ADAMTS18: variants seen among roughly 807,000 people sequenced by gnomAD.
The protein encoded by ADAMTS18 is ADAM metallopeptidase with thrombospondin type 1 motif 18.
ADAMTS18 carries 157 observed loss-of-function variants against 165.9 expected under a neutral mutation model. That is an observed-to-expected ratio of 0.95 (90% CI 0.83 to 1.08). The LOEUF is 1.08. ADAMTS18 is among the 50% of genes least tolerant of loss of function. The pLI, the probability that ADAMTS18 is intolerant of heterozygous loss-of-function variation, is 0.00. For missense variants in ADAMTS18, 2,040 were observed against 1,534.0 expected (o/e 1.33, Z -5.51); for synonymous variants, 782 against 578.2 (o/e 1.35, Z -5.06).
At chr16:77,376,809 C>CTT (rs549942617) in intron 3 of ADAMTS18, among the ~76,000 whole-genome samples, 1,597 of 103,368 alleles carry the variant, frequency 0.015, 51 homozygotes, top group Non-Finnish European at 0.02. Flanking sequence ...CTAAATCATT[C>CTT]TTTTTTTTTT....
At chr16:77,336,627 T>C (rs2056315002) in intron 11 of ADAMTS18, among the ~76,000 whole-genome samples, 2 of 152,200 alleles carry the variant, frequency 1.3e-5, no homozygotes, top group Non-Finnish European at 2.9e-5. Context: ...GGGTCTTTCA[T>C]TTGCCCATGA....
In ADAMTS18 at chr16:77,293,223, A is replaced by G. The variant is rs1474205049; in HGVS notation, c.3042T>C (p.Arg1014=). 3 of 1,613,776 alleles carry G rather than the reference A, an allele frequency of 1.9e-6. No homozygotes were observed. Among genetic ancestry groups the G allele is most frequent in the African/African-American group, 1.3e-5 (1 of 74,816 alleles). Residue 1014 remains arginine (R), a synonymous_variant, in exon 20 of 23, where the codon CGT becomes CGC. Coordinates refer to ENST00000282849, the MANE Select transcript of ADAMTS18 (RefSeq NM_199355.4). ...SKTCGRGVRK[R]ELLCKGSAAE... is the part of the protein sequence containing the mutation. ...CGGCAGAGCCCTTGCAGAGGAGTTC[A>G]CGCTTCCTCACCCCTCGTCCACAGG...
intron 3 of ADAMTS18, among the ~76,000 whole-genome samples, chr16:77,422,476 A>C (rs2144851022): frequency 6.6e-6 from 1 of 150,616 alleles, no homozygotes; most frequent in South Asian, 2.2e-4. Context: ...AAGCTAGCCA[A>C]TCCTAGTACA....
At chr16:77,407,502 A>G (rs1264801961) in intron 3 of ADAMTS18, among the ~76,000 whole-genome samples, 1 of 152,160 alleles carries the variant, frequency 6.6e-6, no homozygotes, top group Non-Finnish European at 1.5e-5. Flanking sequence ...CGACAATCCA[A>G]AAGTACAAAG....
At chr16:77,410,642 C>A (rs918401527) in intron 3 of ADAMTS18, among the ~76,000 whole-genome samples, 13 of 152,186 alleles carry the variant, frequency 8.5e-5, no homozygotes, top group Non-Finnish European at 1.9e-4. Context: ...TCTCGACCCC[C>A]CTACCATCTT....
chr16:77,367,881 G>C (rs1482139371), intron 3 of ADAMTS18, among the ~76,000 whole-genome samples, 158 bp from the exon 4 acceptor site: 2 of 152,116 alleles, frequency 1.3e-5, no homozygotes, highest in Non-Finnish European at 2.9e-5. Context: ...ATTACAACGA[G>C]TTGCTATTAT....
intron 20 of ADAMTS18, among the ~76,000 whole-genome samples, chr16:77,292,552 C>T (rs2144568879): frequency 6.6e-6 from 1 of 152,324 alleles, no homozygotes; most frequent in South Asian, 2.1e-4. Context: ...CAAAGACCGG[C>T]TTGGGTGAAG....
chr16:77,410,397 G>A (rs1022482083), intron 3 of ADAMTS18, among the ~76,000 whole-genome samples: 3 of 151,958 alleles, frequency 2.0e-5, no homozygotes, highest in Non-Finnish European at 4.4e-5. Flanking sequence ...TGGTGAGCAT[G>A]AGGATCCTCT....
At chr16:77,378,340 CAAAAAAAAACA>C in intron 3 of ADAMTS18, among the ~76,000 whole-genome samples, 1 of 68,508 alleles carries the variant, frequency 1.5e-5, no homozygotes, top group South Asian at 5.1e-4. Flanking sequence ...AAAACAAAAA[CAAAAAAAAACA>C]AAAAAAAAAA....
rs1011337681 is a variant in ADAMTS18 at position 77,293,271 on chromosome 16, A to G, written c.3007-13T>C. On this transcript the variant is annotated splice_polypyrimidine_tract_variant and intron_variant, in intron 19 of 22. Transcript: ENST00000282849. The stretch of plus-strand genomic sequence containing the variant: ...AGGTCTTGGAACACTTGAGAAGACA[A>G]AAAAGTTCTATTTGCATTCCCATTA... 1.6e-5 allele frequency: 26 copies of G among 1,612,644 alleles called. No individual in the cohort carries two copies. The highest frequency in any genetic ancestry group is 6.7e-5 in the African/African-American group (5 of 74,798).
At chr16:77,421,964 A>C (rs2057608446) in intron 3 of ADAMTS18, among the ~76,000 whole-genome samples, 1 of 152,210 alleles carries the variant, frequency 6.6e-6, no homozygotes, top group African/African-American at 2.4e-5. Context: ...CATTGTTTTT[A>C]ATTAATCCCT....
intron 16 of ADAMTS18, among the ~76,000 whole-genome samples, chr16:77,305,944 G>A (rs1221133018): frequency 6.6e-6 from 1 of 152,198 alleles, no homozygotes; most frequent in Non-Finnish European, 1.5e-5. Flanking sequence ...CATGTCAAGA[G>A]TAGTCCATTG....
At chr16:77,308,864 T>C (rs1364669024) in intron 16 of ADAMTS18, among the ~76,000 whole-genome samples, 3 of 152,208 alleles carry the variant, frequency 2.0e-5, no homozygotes, top group African/African-American at 7.2e-5. Context: ...ATTTAATTTC[T>C]TACAACACAC....
At chr16:77,432,965 T>TA (rs1482482466) in intron 2 of ADAMTS18, among the ~76,000 whole-genome samples, 7 of 152,186 alleles carry the variant, frequency 4.6e-5, no homozygotes, top group African/African-American at 1.7e-4. Flanking sequence ...CTCCCATTTT[T>TA]CTTCTTGACT....
chr16:77,308,703 C>G (rs1187365098), intron 16 of ADAMTS18, among the ~76,000 whole-genome samples: 1 of 152,032 alleles, frequency 6.6e-6, no homozygotes, highest in Non-Finnish European at 1.5e-5. Context: ...CTTAAATTAC[C>G]TACACCTAAA....
intron 6 of ADAMTS18, among the ~76,000 whole-genome samples, chr16:77,362,777 C>T (rs935489872): frequency 6.6e-6 from 1 of 152,144 alleles, no homozygotes; most frequent in East Asian, 1.9e-4. Flanking sequence ...TTAAAATAAT[C>T]ATTTGTCAAA....
chr16:77,433,698 T>C (rs1200955025), intron 2 of ADAMTS18, among the ~76,000 whole-genome samples: 1 of 152,210 alleles, frequency 6.6e-6, no homozygotes, highest in Non-Finnish European at 1.5e-5. Context: ...AGAATCCAGG[T>C]TGAGCTGTAA....
At chr16:77,383,546 T>TTG (rs2057062968) in intron 3 of ADAMTS18, among the ~76,000 whole-genome samples, 1 of 151,410 alleles carries the variant, frequency 6.6e-6, no homozygotes, top group South Asian at 2.1e-4. Context: ...CGACCTCTTT[T>TTG]TTGTTGTTGT....
At chr16:77,346,099 C>T (rs191230724) in intron 10 of ADAMTS18, among the ~76,000 whole-genome samples, 2 of 152,200 alleles carry the variant, frequency 1.3e-5, no homozygotes, top group South Asian at 4.1e-4. Flanking sequence ...CTGCATCTCT[C>T]TCTTACCTCC....
Sources: allele counts gnomAD v4.1 joint callset (sites outside exome capture counted in the v4.1 genomes callset), GRCh38; gene constraint gnomAD v4.1.1; transcripts MANE v1.5; gene names NCBI Gene and HGNC (gene_info 2026-07-23, HGNC 2026-07-21).